Variants in ARHGAP23 observed in about 807,000 individuals in gnomAD.
ARHGAP23 encodes the protein Rho GTPase activating protein 23.
A neutral mutation model predicts 136.3 loss-of-function variants in ARHGAP23; 34 were observed. That is an observed-to-expected ratio of 0.25 (90% CI 0.19 to 0.33). The LOEUF is 0.33. Ranked by LOEUF, ARHGAP23 falls within the 10% of genes least tolerant of loss-of-function variation. The pLI is 1.00. For synonymous variants in ARHGAP23, 832 were observed against 920.5 expected (o/e 0.90, Z 1.74); for missense variants, 1,808 against 2,139.0 (o/e 0.85, Z 3.05).
At chr17:38,469,488 C>A in intron 8 of ARHGAP23, 36 bp from the exon 9 acceptor site, 1 of 1,535,798 alleles carries the variant, frequency 6.5e-7, no homozygotes. Context: ...CCTGCTGCCC[C>A]GCTGACCCTG....
At position 38,466,694 on chromosome 17, in the gene ARHGAP23, T is replaced by C; in HGVS notation, c.1011T>C (p.Ala337=). The C allele has an allele frequency of 3.9e-6, 6 of 1,528,642 alleles. No individual in the cohort carries two copies. Among genetic ancestry groups the C allele is most frequent in the Non-Finnish European group, 5.3e-6 (6 of 1,137,466 alleles). 94.7% of individuals were successfully genotyped at this position (1,528,642 alleles called of 1,614,324 possible). A position where few individuals can be genotyped will look rare whatever the true frequency, so the allele number is the denominator to read the frequency against. ...RPWPCSTSQD[A]LSQLGQEGWH... is the part of the protein sequence containing the mutation. ...GGCCCTGCTCCACCTCCCAGGATGC[T>C]TTGAGCCAGCTGGGCCAGGAGGGCT... The change falls in exon 7 of 24, where the codon GCT becomes GCC. Residue 337 remains alanine (A), a synonymous_variant. Transcript: ENST00000622683.
intron 10 of ARHGAP23, 82 bp downstream of exon 10, chr17:38,469,986 G>C: frequency 6.8e-7 from 1 of 1,479,100 alleles, no homozygotes; most frequent in Non-Finnish European, 9.2e-7. Context: ...CCACAGCCTC[G>C]GCATGGGGGT....
rs149190200 is a variant in ARHGAP23 at position 38,467,399 on chromosome 17, C to T, written c.1648+68C>T. ...CGGCTGTCTGTGTCCTGCTGTACCC[C>T]ATCTGCCTGTCTGCCATGGGCAGAA... On this transcript the variant is annotated intron_variant, in intron 7 of 23. Coordinates refer to ENST00000622683, the MANE Select transcript of ARHGAP23 (RefSeq NM_001199417.2). 1.3e-4 allele frequency: 182 copies of T among 1,404,906 alleles called. 1 individual carries two copies. The highest frequency in any genetic ancestry group is 1.8e-4 in the Middle Eastern group (1 of 5,420). 87.0% of individuals were successfully genotyped at this position (1,404,906 alleles called of 1,614,324 possible).
At chr17:38,453,623 G>C (rs2039242269) in intron 1 of ARHGAP23, 1 of 149,506 alleles carries the variant, frequency 6.7e-6, no homozygotes, top group South Asian at 2.1e-4. Flanking sequence ...GGCGGCCGCG[G>C]ACAGGGGCCG....
rs11327949 is a variant in ARHGAP23, at chr17:38,448,641, GTTTTTTTTTTTT to G, written c.64-9450_64-9439del. On this transcript the variant is annotated intron_variant, in intron 1 of 23. Coordinates refer to ENST00000622683, the MANE Select transcript of ARHGAP23 (RefSeq NM_001199417.2). Reference sequence around the variant, plus strand: ...TGCTGCCACTGAAAGAACTTGGGGAGTTTTTTTTTTTTTTTTTTTTTTGAGACAGGGTCTTGG... The same window carrying G: ...TGCTGCCACTGAAAGAACTTGGGGAGTTTTTTTTTTGAGACAGGGTCTTGG... Among the ~76,000 whole-genome samples, 3 of 106,154 alleles carry G rather than the reference GTTTTTTTTTTTT, an allele frequency of 2.8e-5. No homozygotes were observed. In the Admixed American group the frequency reaches 3.2e-4, roughly 11 times the overall value. 69.6% of individuals were successfully genotyped at this position (106,154 alleles called of 152,430 possible). A position where few individuals can be genotyped will look rare whatever the true frequency, so the allele number is the denominator to read the frequency against.
Position 38,447,168 on chromosome 17 carries a change from A to T in ARHGAP23, c.64-10934A>T, listed in dbSNP as rs369805540. 7.9e-5 allele frequency among the ~76,000 whole-genome samples: 12 copies of T among 151,440 alleles called. No homozygotes were observed. The South Asian group carries it at 1.5e-3, about 19-fold the overall frequency. On this transcript the variant is annotated intron_variant, in intron 1 of 23. Transcript: ENST00000622683. ...TTAAGAAATAATTTTTGAGCTGGGCATGGTGGCTCATGCCTGTAATCCCAG... is the reference window on the plus strand; with the variant it reads ...TTAAGAAATAATTTTTGAGCTGGGCTTGGTGGCTCATGCCTGTAATCCCAG...
At chr17:38,436,342 C>T (rs931673932) in intron 1 of ARHGAP23, among the ~76,000 whole-genome samples, 3 of 152,108 alleles carry the variant, frequency 2.0e-5, no homozygotes, top group Non-Finnish European at 4.4e-5. Flanking sequence ...ATCTGAGAGA[C>T]GGGATGTGGT....
rs1373739302 is a variant in ARHGAP23 at position 38,462,828 on chromosome 17, C to G, written c.254-18C>G. On this transcript the variant is annotated intron_variant, in intron 3 of 23. Coordinates refer to ENST00000622683, the MANE Select transcript of ARHGAP23 (RefSeq NM_001199417.2). ...CCTTCCCCAGCCACCCCCAGCTAAC[C>G]TGGCTGATGCCCACTAGGACCCTCC... The G allele has an allele frequency of 2.0e-6, 3 of 1,488,786 alleles. No individual in the cohort carries two copies. Among genetic ancestry groups the G allele is most frequent in the Non-Finnish European group, 2.7e-6 (3 of 1,118,766 alleles). The allele number at this position is 1,488,786 out of a possible 1,614,324, so 92.2% of individuals were successfully genotyped here. A position where few individuals can be genotyped will look rare whatever the true frequency, so the allele number is the denominator to read the frequency against.
chr17:38,504,434 G>A (rs981805702), intron 23 of ARHGAP23, among the ~76,000 whole-genome samples: 4 of 152,198 alleles, frequency 2.6e-5, no homozygotes, highest in Non-Finnish European at 5.9e-5. Context: ...GGAAGGGGCT[G>A]CCTCGGGCAC....
In ARHGAP23 at chr17:38,479,755, A is replaced by ATAG. The variant is rs2039986731; in HGVS notation, c.2502_2504dup (p.Ser836dup). The ATAG allele has an allele frequency of 6.8e-7, 1 of 1,481,018 alleles. No individual in the cohort carries two copies. The highest frequency in any genetic ancestry group is 9.0e-7 in the Non-Finnish European group (1 of 1,113,588). The allele number at this position is 1,481,018 out of a possible 1,614,324, so 91.7% of individuals were successfully genotyped here. A position where few individuals can be genotyped will look rare whatever the true frequency, so the allele number is the denominator to read the frequency against. On this transcript the variant is annotated inframe_insertion, in exon 14 of 24. Transcript: ENST00000622683. ...CTCTCCCCCTTTTTCCTACACAGCC[A>ATAG]TAGCTCTGGGCCCAAAGCTGATTCC...
chr17:38,468,088 A>G (rs922238385), intron 7 of ARHGAP23, among the ~76,000 whole-genome samples: 8 of 152,228 alleles, frequency 5.3e-5, no homozygotes, highest in Non-Finnish European at 1.2e-4. Flanking sequence ...TTGGGCTAAG[A>G]CTTGAAGGAT....
At chr17:38,435,911 C>G (rs1032300317) in intron 1 of ARHGAP23, among the ~76,000 whole-genome samples, 11 of 152,182 alleles carry the variant, frequency 7.2e-5, no homozygotes, top group Non-Finnish European at 1.0e-4. Flanking sequence ...TGGGAAGATT[C>G]TTATAAATCT....
At chr17:38,480,323 G>A (rs1049893867) in intron 14 of ARHGAP23, among the ~76,000 whole-genome samples, 1 of 152,078 alleles carries the variant, frequency 6.6e-6, no homozygotes, top group South Asian at 2.1e-4. Flanking sequence ...CCAACATGGT[G>A]AAACCCCAAC....
chr17:38,467,126 T>C lies in ARHGAP23; in HGVS notation c.1443T>C (p.Pro481=). The change falls in exon 7 of 24, where the codon CCT becomes CCC. Residue 481 remains proline (P), a synonymous_variant. Transcript: ENST00000622683. ...CCAGCACCCGGGCCCTGGAGCCTCC[T>C]GCGGAGGATCGCGGCGATGAGGTGG... The part of the protein sequence containing the change: ...PEPSTRALEP[P]AEDRGDEVVL... The C allele has an allele frequency of 1.3e-6, 2 of 1,550,080 alleles. No homozygotes were observed. Among genetic ancestry groups the C allele is most frequent in the Non-Finnish European group, 1.7e-6 (2 of 1,146,564 alleles).
intron 20 of ARHGAP23, among the ~76,000 whole-genome samples, chr17:38,496,146 C>T (rs1367750480): frequency 1.3e-5 from 2 of 152,148 alleles, no homozygotes; most frequent in African/African-American, 2.4e-5. Context: ...GATCCGCCCG[C>T]CTCAGCCTCC....
In ARHGAP23 at chr17:38,467,146, A is replaced by G; in HGVS notation, c.1463A>G (p.Glu488Gly). Reference sequence around the variant, plus strand: ...CCTCCTGCGGAGGATCGCGGCGATGAGGTGGTCCTGAGGCAGAAGCCCCCG... The same window carrying G: ...CCTCCTGCGGAGGATCGCGGCGATGGGGTGGTCCTGAGGCAGAAGCCCCCG... ...LEPPAEDRGD[E>G]VVLRQKPPTG... Residue 488 changes from glutamate to glycine, a missense_variant, in exon 7 of 24, where the codon GAG (glutamate) becomes GGG (glycine). By Grantham distance (98) the Glu-to-Gly change is moderately conservative (BLOSUM62 -2). Transcript: ENST00000622683. The G allele has an allele frequency of 6.5e-7, 1 of 1,549,640 alleles. No homozygotes were observed. Among genetic ancestry groups the G allele is most frequent in the South Asian group, 1.2e-5 (1 of 83,996 alleles).
intron 20 of ARHGAP23, among the ~76,000 whole-genome samples, chr17:38,496,381 G>GGA (rs1241812560): frequency 6.6e-6 from 1 of 152,042 alleles, no homozygotes; most frequent in African/African-American, 2.4e-5. Flanking sequence ...GGCTGAGGTG[G>GGA]GAGAATCTCT....
At chr17:38,496,547 C>T (rs557759380) in intron 20 of ARHGAP23, among the ~76,000 whole-genome samples, 13 of 152,214 alleles carry the variant, frequency 8.5e-5, no homozygotes, top group Non-Finnish European at 1.6e-4. Context: ...AAGGTCATCT[C>T]TTTACTTGCT....
chr17:38,486,327 A>AAGCGATCCTCCCACCTCAGCCTCC (rs2040159231), intron 17 of ARHGAP23, among the ~76,000 whole-genome samples, 187 bp downstream of exon 17: 2 of 151,650 alleles, frequency 1.3e-5, no homozygotes, highest in Non-Finnish European at 1.5e-5. Flanking sequence ...TACTGGGCTC[A>AAGCGATCCTCCCACCTCAGCCTCC]AGCGATCCTC....
Sources: gnomAD v4.1 joint callset for allele counts (sites outside exome capture counted in the v4.1 genomes callset) on GRCh38, gnomAD v4.1.1 for gene constraint, MANE v1.5 for transcripts, NCBI Gene and HGNC (gene_info 2026-07-23, HGNC 2026-07-21) for gene names.